SYNE1: variants seen among roughly 807,000 people sequenced by gnomAD.
The protein encoded by SYNE1 is nesprin-1.
SYNE1 carries 616 observed loss-of-function variants against 1,111.0 expected under a neutral mutation model. The ratio of observed to expected loss-of-function variants is 0.55; its 90% CI spans 0.52 to 0.59. The LOEUF (loss-of-function observed/expected upper bound fraction) is 0.59, where lower values mean the gene tolerates loss of function less well. Among genes scored for constraint, SYNE1 ranks in the 20% least tolerant of loss-of-function variants. The pLI is 0.00. For missense variants in SYNE1, 10,006 were observed against 10,417.0 expected (o/e 0.96, Z 1.72); for synonymous variants, 3,855 against 3,825.8 (o/e 1.01, Z -0.28).
At chr6:152,311,057 G>T in intron 87 of SYNE1, 184 bp from the exon 88 acceptor site, 4 of 657,762 alleles carry the variant, frequency 6.1e-6, no homozygotes, top group East Asian at 2.8e-5. Context: ...CACAGAAAAA[G>T]AAATCACAGT....
chr6:152,635,964 T>C (rs2099705182), intron 2 of SYNE1, among the ~76,000 whole-genome samples: 1 of 152,176 alleles, frequency 6.6e-6, no homozygotes, highest in Non-Finnish European at 1.5e-5. Flanking sequence ...GATGGCTGCT[T>C]CGTTTTGCAC....
At chr6:152,512,226 C>T (rs1277655286) in intron 6 of SYNE1, among the ~76,000 whole-genome samples, 1 of 152,048 alleles carries the variant, frequency 6.6e-6, no homozygotes, top group African/African-American at 2.4e-5. Flanking sequence ...TGAGATATAC[C>T]TATGGGATTT....
chr6:152,276,596 C>T (rs1331993720), intron 98 of SYNE1, among the ~76,000 whole-genome samples: 6 of 141,144 alleles, frequency 4.3e-5, no homozygotes, highest in Admixed American at 7.1e-5. Context: ...ATGAAGTTTC[C>T]GTTAACAATA....
At chr6:152,143,415 A>G (rs1443857522) in intron 138 of SYNE1, among the ~76,000 whole-genome samples, 1 of 152,212 alleles carries the variant, frequency 6.6e-6, no homozygotes, top group Non-Finnish European at 1.5e-5. Flanking sequence ...GTTTGTCATT[A>G]CAACAGTTTT....
intron 137 of SYNE1, chr6:152,147,235 T>A (rs1196104430): frequency 6.6e-6 from 1 of 152,312 alleles, no homozygotes. Flanking sequence ...TTCCCAATTC[T>A]GCTTCCCCTA....
At chr6:152,533,453 A>T (rs2099215724) in intron 4 of SYNE1, among the ~76,000 whole-genome samples, 1 of 152,078 alleles carries the variant, frequency 6.6e-6, no homozygotes, top group African/African-American at 2.4e-5. Context: ...CAAGTTATTT[A>T]TTTGGTACAA....
chr6:152,125,593 T>C (rs1019330380), intron 145 of SYNE1: 2 of 429,432 alleles, frequency 4.7e-6, no homozygotes, highest in African/African-American at 1.9e-5. Context: ...CTTTAAAATA[T>C]GCCCTGGCAA....
Position 152,193,054 on chromosome 6 carries a change from T to C in SYNE1, c.23146-3647A>G, listed in dbSNP as rs576577989. 2.6e-5 allele frequency among the ~76,000 whole-genome samples: 4 copies of C among 152,358 alleles called. No individual in the cohort carries two copies. The South Asian group carries it at 8.3e-4, about 32-fold the overall frequency. ...ATGTCTTCTGAGTTTAGTTCATTTA[T>C]ATTAAATGTTGTTATTGATAAGTAA... On this transcript the variant is annotated intron_variant, in intron 127 of 145. Transcript: ENST00000367255.
At chr6:152,621,308 A>G (rs2099674764) in intron 3 of SYNE1, among the ~76,000 whole-genome samples, 1 of 152,228 alleles carries the variant, frequency 6.6e-6, no homozygotes, top group African/African-American at 2.4e-5. Context: ...ATTTTGCTAT[A>G]TGTGTTTAAT....
chr6:152,359,348 C>T lies in SYNE1; in HGVS notation c.10410G>A (p.Gln3470=), dbSNP rs765145610. The change falls in exon 65 of 146, where the codon CAG becomes CAA. Residue 3470 remains glutamine (Q), a synonymous_variant. Coordinates refer to ENST00000367255, the MANE Select transcript of SYNE1 (RefSeq NM_182961.4). ...YVTQLELQDL[Q]ERYRAIQERA... is the part of the protein sequence containing the mutation. ...TCTCTTGGATGGCTCTGTATCGTTC[C>T]TGTAGATCCTGGAGTTCTAGCTGGG... 6.2e-7 allele frequency: 1 copy of T among 1,614,020 alleles called. No homozygotes were observed. Among genetic ancestry groups the T allele is most frequent in the Admixed American group, 1.7e-5 (1 of 60,008 alleles).
chr6:152,355,664 T>G (rs1388034697), intron 66 of SYNE1, among the ~76,000 whole-genome samples: 1 of 152,182 alleles, frequency 6.6e-6, no homozygotes, highest in African/African-American at 2.4e-5. Flanking sequence ...CTTATATCCT[T>G]AAAGATATTG....
intron 100 of SYNE1, among the ~76,000 whole-genome samples, chr6:152,264,762 T>C (rs1388703569): frequency 6.6e-6 from 1 of 152,084 alleles, no homozygotes; most frequent in African/African-American, 2.4e-5. Context: ...ATCACACCAC[T>C]GCACTCCAGC....
intron 101 of SYNE1, among the ~76,000 whole-genome samples, chr6:152,260,615 G>A (rs1174381646): frequency 1.3e-5 from 2 of 151,610 alleles, no homozygotes; most frequent in African/African-American, 4.9e-5. Flanking sequence ...CTGGAGAGAC[G>A]TATGTGTGGC....
At chr6:152,617,496 C>T (rs2099660252) in intron 3 of SYNE1, among the ~76,000 whole-genome samples, 1 of 152,158 alleles carries the variant, frequency 6.6e-6, no homozygotes, top group Non-Finnish European at 1.5e-5. Flanking sequence ...TTTCAGAAGA[C>T]TTGAGCACAG....
In SYNE1 at chr6:152,404,408, C is replaced by T. The variant is rs1269146582; in HGVS notation, c.6724-94G>A. On this transcript the variant is annotated intron_variant, in intron 45 of 145. Coordinates refer to ENST00000367255, the MANE Select transcript of SYNE1 (RefSeq NM_182961.4). ...AAGAAGAGCTAACTTTGTCGAAATA[C>T]CCCAACTTTAAGCCAGTGTAAAAAA... 142 of 953,344 alleles carry T rather than the reference C, an allele frequency of 1.5e-4. 2 individuals carry two copies. In the Admixed American group the frequency reaches 2.4e-3, roughly 16 times the overall value. The allele number at this position is 953,344 out of a possible 1,614,324, so 59.1% of individuals were successfully genotyped here. A position where few individuals can be genotyped will look rare whatever the true frequency, so the allele number is the denominator to read the frequency against.
chr6:152,319,189 CTA>C (rs1324205446), intron 84 of SYNE1, among the ~76,000 whole-genome samples, 174 bp from the exon 85 acceptor site: 1 of 152,236 alleles, frequency 6.6e-6, no homozygotes, highest in African/African-American at 2.4e-5. Context: ...CCTGACTTCA[CTA>C]TCTTTAAGTA....
intron 104 of SYNE1, among the ~76,000 whole-genome samples, chr6:152,251,541 G>C (rs1006080083): frequency 3.3e-5 from 5 of 151,610 alleles, no homozygotes; most frequent in Non-Finnish European, 7.4e-5. Flanking sequence ...GGCGGATCAC[G>C]AGGTCAGGAG....
chr6:152,482,969 C>T (rs751272411), intron 14 of SYNE1, 116 bp downstream of exon 14: 57 of 1,188,354 alleles, frequency 4.8e-5, no homozygotes, highest in South Asian at 8.5e-5. Context: ...GTGACGTCTC[C>T]GATCATGTAG....
intron 49 of SYNE1, among the ~76,000 whole-genome samples, chr6:152,397,355 C>T (rs1404484101): frequency 6.6e-6 from 1 of 152,200 alleles, no homozygotes; most frequent in Non-Finnish European, 1.5e-5. Context: ...ACCCTGCATG[C>T]GAAATCCTCA....
Sources: gnomAD v4.1 joint callset for allele counts (sites outside exome capture counted in the v4.1 genomes callset) on GRCh38, gnomAD v4.1.1 for gene constraint, MANE v1.5 for transcripts, NCBI Gene and HGNC (gene_info 2026-07-23, HGNC 2026-07-21) for gene names.